ZNF469: variants seen among roughly 807,000 people sequenced by gnomAD.
ZNF469 encodes the protein zinc finger protein 469.
Under a neutral mutation model 1.0 loss-of-function variants are expected in ZNF469, and 1 was observed. The ratio of observed to expected loss-of-function variants is 1.00; its 90% CI spans 0.35 to 4.73. The LOEUF is 4.73. Among genes scored for constraint, ZNF469 ranks in the 30% most tolerant of loss-of-function variants. The pLI is 0.16. For missense variants in ZNF469, 6,100 were observed against 5,356.3 expected, an observed-to-expected ratio of 1.14 and a Z score of -4.33; for synonymous variants, 2,703 against 2,363.4, an observed-to-expected ratio of 1.14 and a Z score of -4.17.
the ZNF469 span, among the ~76,000 whole-genome samples, chr16:88,364,448 C>A: frequency 7.8e-5 from 11 of 141,150 alleles, no homozygotes; most frequent in Admixed American, 8.1e-4. Flanking sequence ...CCTTGCTTTT[C>A]CACACAAATT....
At chr16:88,158,590 C>T in the ZNF469 span, among the ~76,000 whole-genome samples, 1 of 152,332 alleles carries the variant, frequency 6.6e-6, no homozygotes, top group Middle Eastern at 3.4e-3. Flanking sequence ...GGACTCAGGG[C>T]TGGACAACCT....
rs953535318 is a variant in ZNF469, at chr16:88,433,224, C to T, written c.5754C>T (p.Gly1918=). The change falls in exon 3 of 3, where the codon GGC becomes GGT. Residue 1918 remains glycine (G), a synonymous_variant. Coordinates refer to ENST00000565624, the MANE Select transcript of ZNF469 (RefSeq NM_001367624.2). ...PGPGVAKSKD[G]ILGLQELTPA... ...CTGGAGTGGCTAAGAGTAAAGATGG[C>T]ATCCTGGGCTTGCAGGAGCTGACAC... 13 of 1,550,244 alleles carry T rather than the reference C, an allele frequency of 8.4e-6. No homozygotes were observed. Among genetic ancestry groups the T allele is most frequent in the Non-Finnish European group, 1.0e-5 (12 of 1,146,964 alleles).
chr16:88,111,925 G>A, the ZNF469 span, among the ~76,000 whole-genome samples: 19 of 152,244 alleles, frequency 1.2e-4, no homozygotes, highest in African/African-American at 3.1e-4. Flanking sequence ...GTGAGCCACC[G>A]CGCCCGGCCA....
At chr16:88,272,537 G>A in the ZNF469 span, among the ~76,000 whole-genome samples, 3 of 151,754 alleles carry the variant, frequency 2.0e-5, no homozygotes, top group Non-Finnish European at 4.4e-5. Context: ...TGAGTGGATA[G>A]ATGAATGAAC....
the ZNF469 span, among the ~76,000 whole-genome samples, chr16:88,375,244 C>T: frequency 6.6e-6 from 1 of 152,230 alleles, no homozygotes; most frequent in African/African-American, 2.4e-5. Context: ...CGGACTCAGG[C>T]TGGGCCGCCC....
chr16:88,277,627 G>T, the ZNF469 span, among the ~76,000 whole-genome samples: 1,818 of 127,356 alleles, frequency 0.014, 65 homozygotes, highest in African/African-American at 0.058. Context: ...TGTGTAGATA[G>T]CAGTGCATGG....
chr16:88,413,439 C>T (rs992270651), intron 1 of ZNF469, among the ~76,000 whole-genome samples: 5 of 152,212 alleles, frequency 3.3e-5, no homozygotes, highest in Admixed American at 6.5e-5. Flanking sequence ...CCCGGCGCAC[C>T]GTGGCTTTCC....
the ZNF469 span, among the ~76,000 whole-genome samples, chr16:88,360,455 C>G: frequency 6.6e-6 from 1 of 152,074 alleles, no homozygotes; most frequent in South Asian, 2.1e-4. Context: ...CGCCCGCATG[C>G]TCCCCCAAAG....
chr16:88,120,761 GA>G, the ZNF469 span, among the ~76,000 whole-genome samples: 1 of 152,188 alleles, frequency 6.6e-6, no homozygotes, highest in African/African-American at 2.4e-5. Flanking sequence ...CTGGAAAATG[GA>G]ACTCGGAGGA....
the ZNF469 span, among the ~76,000 whole-genome samples, chr16:88,214,047 T>G: frequency 1.5e-3 from 232 of 152,316 alleles, no homozygotes; most frequent in African/African-American, 5.5e-3. Flanking sequence ...CAGATTTGGG[T>G]GGTTACTCTT....
At chr16:88,313,335 T>A in the ZNF469 span, among the ~76,000 whole-genome samples, 5 of 152,248 alleles carry the variant, frequency 3.3e-5, no homozygotes, top group Admixed American at 6.5e-5. Context: ...TCAACTAAAA[T>A]GGTGATCATT....
chr16:88,281,771 T>C, the ZNF469 span, among the ~76,000 whole-genome samples: 2 of 150,954 alleles, frequency 1.3e-5, no homozygotes, highest in Non-Finnish European at 2.9e-5. Flanking sequence ...GGGTTAGTAC[T>C]GTGCCACACC....
the ZNF469 span, among the ~76,000 whole-genome samples, chr16:88,164,629 G>C: frequency 6.6e-6 from 1 of 152,176 alleles, no homozygotes; most frequent in African/African-American, 2.4e-5. Flanking sequence ...GTGGATTCTG[G>C]TTCATGACAG....
the ZNF469 span, among the ~76,000 whole-genome samples, chr16:88,370,640 G>T: frequency 6.6e-6 from 1 of 152,188 alleles, no homozygotes; most frequent in Admixed American, 6.5e-5. Flanking sequence ...GAGTCCTGAA[G>T]CGTGTGAGTC....
chr16:88,183,336 C>T, the ZNF469 span, among the ~76,000 whole-genome samples: 1 of 152,212 alleles, frequency 6.6e-6, no homozygotes, highest in East Asian at 1.9e-4. Flanking sequence ...ACGTCCCCAC[C>T]AAACCTGCAC....
At chr16:88,386,458 C>T (rs1448806540) in intron 1 of ZNF469, among the ~76,000 whole-genome samples, 1 of 152,188 alleles carries the variant, frequency 6.6e-6, no homozygotes, top group Non-Finnish European at 1.5e-5. Flanking sequence ...CACCCCTCCT[C>T]TCCCTGCTGC....
the ZNF469 span, among the ~76,000 whole-genome samples, chr16:88,284,793 C>T: frequency 5.6e-4 from 86 of 152,356 alleles, no homozygotes; most frequent in African/African-American, 2.0e-3. Context: ...GCGATGGGGC[C>T]TTGGTGAGGA....
At chr16:88,275,878 T>C in the ZNF469 span, among the ~76,000 whole-genome samples, 3 of 152,116 alleles carry the variant, frequency 2.0e-5, no homozygotes, top group Non-Finnish European at 2.9e-5. Flanking sequence ...CCCCAGCCCC[T>C]GGCTCACACA....
chr16:88,152,977 G>T, the ZNF469 span, among the ~76,000 whole-genome samples: 1 of 152,222 alleles, frequency 6.6e-6, no homozygotes, highest in Non-Finnish European at 1.5e-5. This position sits in a 1 kb window ranked among gnomAD's most constrained non-coding sequence, Gnocchi z 4.2. Flanking sequence ...GGCGGGGCAT[G>T]CCCCCAGCAC....
Sources: allele counts gnomAD v4.1 joint callset (sites outside exome capture counted in the v4.1 genomes callset), GRCh38; gene constraint gnomAD v4.1.1; non-coding constraint Gnocchi (gnomAD v3.1); transcripts MANE v1.5; gene names NCBI Gene and HGNC (gene_info 2026-07-23, HGNC 2026-07-21).